The following LUZP2 variants were observed in gnomAD, a reference collection of about 807,000 sequenced individuals.
LUZP2 encodes leucine zipper protein 2.
Under a neutral mutation model 51.6 loss-of-function variants are expected in LUZP2, and 52 were observed. The ratio of observed to expected loss-of-function variants is 1.01; its 90% CI spans 0.81 to 1.27. The LOEUF (loss-of-function observed/expected upper bound fraction) is 1.27. Among genes scored for constraint, LUZP2 ranks in the 50% most tolerant of loss-of-function variants. The pLI is 0.00. For synonymous variants in LUZP2, 154 were observed against 137.3 expected (o/e 1.12, Z -0.85); for missense variants, 436 against 395.4 (o/e 1.10, Z -0.87).
rs182650074 is a variant in LUZP2 at position 24,787,919 on chromosome 11, C to G, written c.396+24611C>G. On this transcript the variant is annotated intron_variant, in intron 5 of 11. Transcript: ENST00000336930. ...GGGACTACAGGTGTGTGTCACCAAGCCTTGCTGTCTTATCCTTTCTTAAAG... is the reference window on the plus strand; with the variant it reads ...GGGACTACAGGTGTGTGTCACCAAGGCTTGCTGTCTTATCCTTTCTTAAAG... Among the ~76,000 whole-genome samples, 15 of 152,212 alleles carry G rather than the reference C, an allele frequency of 9.9e-5. 1 individual carries two copies. In the East Asian group the frequency reaches 2.5e-3, roughly 26 times the overall value.
intron 5 of LUZP2, among the ~76,000 whole-genome samples, chr11:24,902,471 A>G (rs1853310349): frequency 6.6e-6 from 1 of 152,028 alleles, no homozygotes; most frequent in Non-Finnish European, 1.5e-5. Context: ...TTTTTGGGGG[A>G]GTGGAGAGTA....
chr11:24,723,446 C>T (rs1858354614), intron 1 of LUZP2, among the ~76,000 whole-genome samples: 1 of 152,142 alleles, frequency 6.6e-6, no homozygotes, highest in African/African-American at 2.4e-5. Flanking sequence ...TCATAATATT[C>T]AAAAACTGGA....
At chr11:24,826,686 T>C (rs1474669606) in intron 5 of LUZP2, among the ~76,000 whole-genome samples, 8 of 152,082 alleles carry the variant, frequency 5.3e-5, no homozygotes, top group Non-Finnish European at 1.2e-4. Context: ...TGCCCACAAA[T>C]GGAAATGTCT....
chr11:24,563,213 A>G (rs1185106356), intron 1 of LUZP2, among the ~76,000 whole-genome samples: 2 of 152,218 alleles, frequency 1.3e-5, no homozygotes, highest in African/African-American at 4.8e-5. Flanking sequence ...TTAGGAAGTC[A>G]GAGTAGCAAG....
chr11:25,051,553 G>A (rs1490634272), intron 10 of LUZP2, among the ~76,000 whole-genome samples: 3 of 152,096 alleles, frequency 2.0e-5, no homozygotes, highest in African/African-American at 7.2e-5. Flanking sequence ...AATTTGCAGA[G>A]GCAGGAAAAT....
chr11:24,699,703 G>A (rs201251903), intron 1 of LUZP2, among the ~76,000 whole-genome samples: 7 of 96,840 alleles, frequency 7.2e-5, no homozygotes, highest in Non-Finnish European at 1.3e-4. Flanking sequence ...ACACACACAC[G>A]CACACATCAT....
chr11:24,821,694 T>G (rs1850362760), intron 5 of LUZP2, among the ~76,000 whole-genome samples: 1 of 152,042 alleles, frequency 6.6e-6, no homozygotes, highest in African/African-American at 2.4e-5. Flanking sequence ...TTCTTGCACA[T>G]TTCAAAAAGC....
intron 9 of LUZP2, among the ~76,000 whole-genome samples, chr11:25,027,561 G>A (rs1400531084): frequency 6.6e-6 from 1 of 152,050 alleles, no homozygotes; most frequent in Admixed American, 6.6e-5. Flanking sequence ...TATTTCTACA[G>A]CTGTTGCAAT....
At chr11:25,069,722 TATATC>T (rs533164091) in intron 10 of LUZP2, among the ~76,000 whole-genome samples, 30 of 152,086 alleles carry the variant, frequency 2.0e-4, no homozygotes, top group East Asian at 1.2e-3. Context: ...CTTATTCACT[TATATC>T]ATATAGCTGG....
chr11:24,928,754 A>G (rs542967263), intron 7 of LUZP2, among the ~76,000 whole-genome samples: 1 of 152,092 alleles, frequency 6.6e-6, no homozygotes, highest in Non-Finnish European at 1.5e-5. Context: ...AATGATTTAG[A>G]GTGGATTTCC....
chr11:24,575,462 G>C (rs11028034), intron 1 of LUZP2, among the ~76,000 whole-genome samples: 24,840 of 152,064 alleles, frequency 0.16, 2,212 homozygotes, highest in African/African-American at 0.21. Context: ...TATTTCACTG[G>C]CTTGGTCTTG....
chr11:24,701,017 G>T (rs1565085810), intron 1 of LUZP2, among the ~76,000 whole-genome samples: 1 of 152,178 alleles, frequency 6.6e-6, no homozygotes, highest in Non-Finnish European at 1.5e-5. Context: ...AGTCAACCCA[G>T]TGAATAATAC....
intron 1 of LUZP2, among the ~76,000 whole-genome samples, chr11:24,563,131 A>C (rs1293463870): frequency 1.3e-5 from 2 of 152,216 alleles, no homozygotes; most frequent in Non-Finnish European, 2.9e-5. Context: ...TCACCCATTC[A>C]GAAGACAAGG....
intron 7 of LUZP2, among the ~76,000 whole-genome samples, chr11:24,916,369 G>A (rs758196025): frequency 1.1e-4 from 16 of 151,292 alleles, no homozygotes; most frequent in Non-Finnish European, 1.9e-4. Flanking sequence ...AAGTTCTAGG[G>A]TACATGTTCA....
chr11:24,637,177 G>A (rs1855134204), intron 1 of LUZP2, among the ~76,000 whole-genome samples: 1 of 151,734 alleles, frequency 6.6e-6, no homozygotes, highest in Non-Finnish European at 1.5e-5. Context: ...TGGGAAGTCA[G>A]GGACCCCGAA....
rs1849237305 is a variant in LUZP2, at chr11:24,786,082, C to T, written c.396+22774C>T. On this transcript the variant is annotated intron_variant, in intron 5 of 11. Coordinates refer to ENST00000336930, the MANE Select transcript of LUZP2 (RefSeq NM_001009909.4). ...GGTGGGCACATTTTTCATCGGCTGG[C>T]ACCTGGTATATGACTGTATTTTTAA... The T allele has an allele frequency of 7.1e-6, 7 of 985,098 alleles. No individual in the cohort carries two copies. The South Asian group carries it at 2.8e-4, about 40-fold the overall frequency. 61.0% of individuals were successfully genotyped at this position (985,098 alleles called of 1,614,324 possible).
At chr11:24,600,252 C>G (rs78100508) in intron 1 of LUZP2, among the ~76,000 whole-genome samples, 2,944 of 151,718 alleles carry the variant, frequency 0.019, 94 homozygotes, top group East Asian at 0.11. Context: ...AAGTCACAGA[C>G]ACACAGAAGG....
At chr11:25,032,594 G>A (rs1216310547) in intron 9 of LUZP2, among the ~76,000 whole-genome samples, 1 of 152,072 alleles carries the variant, frequency 6.6e-6, no homozygotes, top group Non-Finnish European at 1.5e-5. Flanking sequence ...GAATCATGGA[G>A]AAGCTCTCAT....
intron 5 of LUZP2, among the ~76,000 whole-genome samples, chr11:24,880,336 G>T (rs541707411): frequency 3.1e-3 from 442 of 144,004 alleles, no homozygotes; most frequent in African/African-American, 0.01. Flanking sequence ...GAGAGGGGTG[G>T]CATTGGTAAT....
Sources: allele counts gnomAD v4.1 joint callset (sites outside exome capture counted in the v4.1 genomes callset), GRCh38; gene constraint gnomAD v4.1.1; transcripts MANE v1.5; gene names NCBI Gene and HGNC (gene_info 2026-07-23, HGNC 2026-07-21).